The following SLIT2 variants were observed in gnomAD, a reference collection of about 807,000 sequenced individuals.
SLIT2 encodes the protein slit guidance ligand 2, also known as slit homolog 2 protein.
Under a neutral mutation model 185.7 loss-of-function variants are expected in SLIT2, and 41 were observed. The ratio of observed to expected loss-of-function variants is 0.22; its 90% CI spans 0.17 to 0.29. The LOEUF (loss-of-function observed/expected upper bound fraction) is 0.29, where lower values mean the gene tolerates loss of function less well. Among genes scored for constraint, SLIT2 ranks in the 10% least tolerant of loss-of-function variants. The pLI is 1.00. For missense variants in SLIT2, 1,571 were observed against 1,909.0 expected (o/e 0.82, Z 3.30); for synonymous variants, 693 against 680.2 (o/e 1.02, Z -0.29).
At chr4:20,346,927 G>A (rs1442446199) in intron 4 of SLIT2, among the ~76,000 whole-genome samples, 1 of 152,114 alleles carries the variant, frequency 6.6e-6, no homozygotes, top group Admixed American at 6.5e-5. Flanking sequence ...TGATTAGATG[G>A]TACCCACCCG....
At chr4:20,482,023 C>A (rs1171219428) in intron 6 of SLIT2, among the ~76,000 whole-genome samples, 1 of 151,830 alleles carries the variant, frequency 6.6e-6, no homozygotes, top group East Asian at 1.9e-4. Context: ...GCTTTAAGAC[C>A]ACTATTTAAA....
At chr4:20,568,017 C>T (rs530524534) in intron 28 of SLIT2, among the ~76,000 whole-genome samples, 1 of 152,146 alleles carries the variant, frequency 6.6e-6, no homozygotes, top group East Asian at 1.9e-4. Context: ...ATAGGTCCCA[C>T]TGAAACAGAA....
intron 4 of SLIT2, among the ~76,000 whole-genome samples, chr4:20,395,333 A>G (rs1428231568): frequency 6.6e-6 from 1 of 151,934 alleles, no homozygotes; most frequent in Non-Finnish European, 1.5e-5. Context: ...GGGAAATTTA[A>G]CTTCTTCAGA....
chr4:20,592,723 C>A (rs1727607838), intron 30 of SLIT2, among the ~76,000 whole-genome samples: 1 of 152,070 alleles, frequency 6.6e-6, no homozygotes, highest in South Asian at 2.1e-4. Context: ...CAGCTCTGCT[C>A]ACATTAACAT....
intron 4 of SLIT2, among the ~76,000 whole-genome samples, chr4:20,406,165 G>T (rs538003120): frequency 6.9e-6 from 1 of 144,182 alleles, no homozygotes; most frequent in African/African-American, 2.4e-5. Flanking sequence ...TTAATTACAT[G>T]TAGATTGAAT....
chr4:20,526,185 T>C (rs2148852725), intron 15 of SLIT2, among the ~76,000 whole-genome samples: 1 of 152,276 alleles, frequency 6.6e-6, no homozygotes, highest in South Asian at 2.1e-4. Flanking sequence ...AACTCTGGGT[T>C]TAGTCTCTAT....
At chr4:20,481,771 T>C (rs189612603) in intron 6 of SLIT2, among the ~76,000 whole-genome samples, 14 of 152,244 alleles carry the variant, frequency 9.2e-5, no homozygotes, top group Admixed American at 9.2e-4. Flanking sequence ...CTAAAATGGC[T>C]TATTTTATCA....
chr4:20,254,377 A>T lies in SLIT2; in HGVS notation c.179+383A>T, dbSNP rs759937535. ...AGTCACCTTGCGATTGCCAGCATCC[A>T]GGTCGGTTTCAGAGCCCAGTCCTCG... On this transcript the variant is annotated intron_variant, in intron 1 of 36. Coordinates refer to ENST00000504154, the MANE Select transcript of SLIT2 (RefSeq NM_004787.4). This position sits in a 1 kb window ranked among gnomAD's most constrained non-coding sequence, Gnocchi z 5.1. Among the ~76,000 whole-genome samples the T allele has an allele frequency of 3.3e-5, 5 of 152,284 alleles. No homozygotes were observed. The highest frequency in any genetic ancestry group is 6.8e-3 in the Middle Eastern group (2 of 294).
intron 4 of SLIT2, among the ~76,000 whole-genome samples, chr4:20,317,589 A>G (rs1718711795): frequency 6.6e-6 from 1 of 152,002 alleles, no homozygotes; most frequent in Admixed American, 6.6e-5. Context: ...CTCAGATTCT[A>G]TGTCTGTAAA....
At chr4:20,379,211 A>G (rs1724281174) in intron 4 of SLIT2, among the ~76,000 whole-genome samples, 1 of 152,146 alleles carries the variant, frequency 6.6e-6, no homozygotes. Flanking sequence ...TAATAAAGAT[A>G]CTACTCTGCA....
At chr4:20,476,525 A>T (rs1716128275) in intron 5 of SLIT2, among the ~76,000 whole-genome samples, 2 of 152,152 alleles carry the variant, frequency 1.3e-5, no homozygotes, top group Admixed American at 6.6e-5. Flanking sequence ...TTGTTGAGAC[A>T]TTGAGAGATC....
chr4:20,438,075 C>G (rs2148694972), intron 4 of SLIT2, among the ~76,000 whole-genome samples: 1 of 152,144 alleles, frequency 6.6e-6, no homozygotes, highest in East Asian at 1.9e-4. Flanking sequence ...TTCAAGCTAC[C>G]TACAGCACTC....
intron 4 of SLIT2, among the ~76,000 whole-genome samples, chr4:20,441,454 A>G (rs1729729837): frequency 6.6e-6 from 1 of 151,366 alleles, no homozygotes; most frequent in African/African-American, 2.4e-5. Context: ...TAATGACTGC[A>G]TTAAGCTGAG....
rs572223761 is a variant in SLIT2 at position 20,613,068 on chromosome 4, A to G, written c.3847+2901A>G. 2.9e-4 allele frequency among the ~76,000 whole-genome samples: 44 copies of G among 152,306 alleles called. 1 individual carries two copies. The highest frequency in any genetic ancestry group is 8.9e-4 in the African/African-American group (37 of 41,568). On this transcript the variant is annotated intron_variant, in intron 34 of 36. Transcript: ENST00000504154. Reference sequence around the variant, plus strand: ...ATACTGTTGGCAGAAATGTAAATTAATTCAGCCATTGTGGAAAACAGTGTG... The same window carrying G: ...ATACTGTTGGCAGAAATGTAAATTAGTTCAGCCATTGTGGAAAACAGTGTG...
At chr4:20,586,181 A>G (rs1727042651) in intron 29 of SLIT2, among the ~76,000 whole-genome samples, 1 of 152,208 alleles carries the variant, frequency 6.6e-6, no homozygotes, top group Admixed American at 6.5e-5. Context: ...AATATAATTA[A>G]GGAAAATTAA....
At chr4:20,419,967 G>A (rs1209676653) in intron 4 of SLIT2, among the ~76,000 whole-genome samples, 3 of 152,154 alleles carry the variant, frequency 2.0e-5, no homozygotes, top group African/African-American at 7.2e-5. Flanking sequence ...ACATTAACAT[G>A]GCTCATGCAG....
intron 4 of SLIT2, among the ~76,000 whole-genome samples, chr4:20,334,133 T>C (rs904151683): frequency 6.6e-5 from 10 of 152,120 alleles, no homozygotes; most frequent in African/African-American, 2.4e-4. Context: ...AGAGAGAAAA[T>C]ATGGTTATCC....
At chr4:20,524,321 G>A (rs1485004743) in intron 14 of SLIT2, 144 bp downstream of exon 14, 3 of 707,046 alleles carry the variant, frequency 4.2e-6, no homozygotes, top group Non-Finnish European at 7.0e-6. Context: ...AAAATAAAGA[G>A]GACTGTAGAC....
chr4:20,589,250 G>A (rs930916184), intron 29 of SLIT2, among the ~76,000 whole-genome samples: 2 of 152,072 alleles, frequency 1.3e-5, no homozygotes, highest in Non-Finnish European at 2.9e-5. Flanking sequence ...GGTGACCTGA[G>A]TGGGTTCAGT....
Sources: gnomAD v4.1 joint callset for allele counts (sites outside exome capture counted in the v4.1 genomes callset) on GRCh38, gnomAD v4.1.1 for gene constraint, Gnocchi (gnomAD v3.1) non-coding constraint, MANE v1.5 for transcripts, NCBI Gene and HGNC (gene_info 2026-07-23, HGNC 2026-07-21) for gene names.